PDZD9: variants seen among roughly 807,000 people sequenced by gnomAD.
PDZD9 encodes the protein PDZ domain-containing protein 9.
In PDZD9, 13 loss-of-function variants were observed where a neutral mutation model predicts 16.3. That is an observed-to-expected ratio of 0.80 (90% CI 0.52 to 1.27). The LOEUF is 1.27. Among genes scored for constraint, PDZD9 ranks in the 50% most tolerant of loss-of-function variants. The pLI is 0.00. For missense variants in PDZD9, 288 were observed against 310.9 expected, an observed-to-expected ratio of 0.93 and a Z score of 0.55; for synonymous variants, 120 against 111.0, an observed-to-expected ratio of 1.08 and a Z score of -0.51.
At chr16:21,999,233 T>C (rs1342484830) in intron 1 of PDZD9, 8 of 205,264 alleles carry the variant, frequency 3.9e-5, no homozygotes, top group Admixed American at 9.3e-5. Flanking sequence ...CTGAGGAAAG[T>C]GCTCGCTAGG....
chr16:22,000,997 G>T lies in PDZD9; in HGVS notation c.31+20C>A. 1 of 1,532,490 alleles carries T rather than the reference G, an allele frequency of 6.5e-7. No individual in the cohort carries two copies. The highest frequency in any genetic ancestry group is 1.4e-5 in the African/African-American group (1 of 73,026). 94.9% of individuals were successfully genotyped at this position (1,532,490 alleles called of 1,614,324 possible). On this transcript the variant is annotated intron_variant, in intron 1 of 3. Transcript: ENST00000424898. ...CTTGGTCCCCAGGGCTTCTTCACCC[G>T]CTTCCTTCTCCCCAGTTACCTTTTT...
At chr16:21,981,600 CA>C (rs1348669187), downstream of PDZD9, among the ~76,000 whole-genome samples, 4 of 151,720 alleles carry the variant, frequency 2.6e-5, no homozygotes, top group Non-Finnish European at 5.9e-5. Context: ...CAAAAAAGTA[CA>C]AAAATTAGCT....
chr16:21,958,555 T>C, the PDZD9 span: 1 of 1,612,586 alleles, frequency 6.2e-7, no homozygotes, highest in Non-Finnish European at 8.5e-7. Flanking sequence ...GAGCTTCATC[T>C]TTCAAGATAA....
chr16:21,964,856 T>G, the PDZD9 span, among the ~76,000 whole-genome samples: 1 of 152,178 alleles, frequency 6.6e-6, no homozygotes, highest in Non-Finnish European at 1.5e-5. Context: ...ATAGGCAAGT[T>G]GCCAGGTAAT....
chr16:21,977,748 T>G, the PDZD9 span, among the ~76,000 whole-genome samples: 1 of 152,250 alleles, frequency 6.6e-6, no homozygotes, highest in Non-Finnish European at 1.5e-5. Context: ...GTGGTCGTTA[T>G]GATCATTTAG....
chr16:21,962,643 A>G, the PDZD9 span: 3 of 1,591,810 alleles, frequency 1.9e-6, no homozygotes, highest in Non-Finnish European at 1.7e-6. Flanking sequence ...AAACTGCTCA[A>G]AAACACTGCT....
At chr16:21,992,250 T>A (rs1243607063) in intron 2 of PDZD9, among the ~76,000 whole-genome samples, 1 of 151,960 alleles carries the variant, frequency 6.6e-6, no homozygotes, top group Non-Finnish European at 1.5e-5. Context: ...CAAATAAAAT[T>A]AAAAATTGGA....
chr16:21,975,737 A>G, the PDZD9 span, among the ~76,000 whole-genome samples: 1 of 152,202 alleles, frequency 6.6e-6, no homozygotes, highest in East Asian at 1.9e-4. Context: ...TATTAATGGC[A>G]TGACACTGCA....
chr16:21,990,802 G>T (rs1899003774), intron 2 of PDZD9, among the ~76,000 whole-genome samples: 1 of 152,210 alleles, frequency 6.6e-6, no homozygotes, highest in African/African-American at 2.4e-5. Flanking sequence ...AAAATAAACA[G>T]CTTAATTTCC....
chr16:21,973,271 T>C, the PDZD9 span, among the ~76,000 whole-genome samples: 1 of 152,204 alleles, frequency 6.6e-6, no homozygotes, highest in Non-Finnish European at 1.5e-5. Context: ...TAGGTCCATT[T>C]TGGGAATCTG....
At chr16:21,976,472 A>C in the PDZD9 span, 1 of 413,268 alleles carries the variant, frequency 2.4e-6, no homozygotes, top group Non-Finnish European at 4.4e-6. Context: ...CAGGTGGTTC[A>C]TTTGAGACCA....
chr16:21,963,031 C>G, the PDZD9 span: 1 of 1,088,758 alleles, frequency 9.2e-7, no homozygotes, highest in Non-Finnish European at 1.2e-6. Flanking sequence ...CTCTGTCACC[C>G]AGGCTGGAGT....
the PDZD9 span, among the ~76,000 whole-genome samples, chr16:21,966,596 CT>C: frequency 6.6e-6 from 1 of 152,190 alleles, no homozygotes; most frequent in South Asian, 2.1e-4. Context: ...GAAAACTAAA[CT>C]GTATCCCTTG....
At chr16:21,977,527 T>G in the PDZD9 span, among the ~76,000 whole-genome samples, 1 of 152,166 alleles carries the variant, frequency 6.6e-6, no homozygotes, top group African/African-American at 2.4e-5. Flanking sequence ...CTAAAATACT[T>G]GTCTGCTATT....
At chr16:21,981,815 C>G (rs974514292), downstream of PDZD9, among the ~76,000 whole-genome samples, 4 of 151,508 alleles carry the variant, frequency 2.6e-5, no homozygotes, top group Non-Finnish European at 4.4e-5. Flanking sequence ...CTTGATTTCA[C>G]TTCGCCCCAA....
the PDZD9 span, among the ~76,000 whole-genome samples, chr16:21,974,547 A>G: frequency 1.3e-5 from 2 of 152,352 alleles, no homozygotes; most frequent in South Asian, 4.1e-4. Context: ...AAGCTAGGAC[A>G]TCATGGGTGA....
At chr16:21,988,341 AG>A (rs759427977) in intron 3 of PDZD9, among the ~76,000 whole-genome samples, 6 of 152,058 alleles carry the variant, frequency 3.9e-5, no homozygotes, top group Non-Finnish European at 7.4e-5. Context: ...GACTCGGGAA[AG>A]AGGGGCACCA....
downstream of PDZD9, chr16:21,982,957 C>G (rs1435098653): frequency 1.2e-6 from 1 of 810,714 alleles, no homozygotes; most frequent in Non-Finnish European, 1.9e-6. Flanking sequence ...GAGCGAGACT[C>G]CACCTCAAAA....
the PDZD9 span, chr16:21,974,039 A>T: frequency 2.1e-6 from 3 of 1,454,834 alleles, no homozygotes; most frequent in Non-Finnish European, 2.8e-6. Flanking sequence ...CGCCATAAAC[A>T]TGTTTTCGGT....
Sources: allele counts gnomAD v4.1 joint callset (sites outside exome capture counted in the v4.1 genomes callset), GRCh38; gene constraint gnomAD v4.1.1; transcripts MANE v1.5; gene names NCBI Gene and HGNC (gene_info 2026-07-23, HGNC 2026-07-21).